Variants in DNAAF4 observed in about 807,000 individuals in gnomAD.
The protein encoded by DNAAF4 is dynein assembly factor 4, axonemal.
Under a neutral mutation model 51.8 loss-of-function variants are expected in DNAAF4, and 43 were observed. That is an observed-to-expected ratio of 0.83 (90% CI 0.65 to 1.07). The LOEUF is 1.07. Ranked by LOEUF, DNAAF4 falls within the 50% of genes least tolerant of loss-of-function variation. The pLI is 0.00. For synonymous variants in DNAAF4, 194 were observed against 165.6 expected (o/e 1.17, Z -1.32); for missense variants, 581 against 493.0 (o/e 1.18, Z -1.69).
At chr15:55,502,048 G>GA (rs200845492) in intron 1 of DNAAF4, among the ~76,000 whole-genome samples, 7,779 of 134,044 alleles carry the variant, frequency 0.058, 272 homozygotes, top group South Asian at 0.16. Flanking sequence ...TGTCTCAAAA[G>GA]AAAAAAAAAA....
intron 5 of DNAAF4, among the ~76,000 whole-genome samples, chr15:55,460,096 G>A (rs551930891): frequency 3.8e-4 from 57 of 151,724 alleles, no homozygotes; most frequent in Non-Finnish European, 7.4e-4. Flanking sequence ...AAAAGAATTA[G>A]TCCAACAGGA....
chr15:55,428,264 T>C (rs1261250758), downstream of DNAAF4, among the ~76,000 whole-genome samples: 1 of 151,974 alleles, frequency 6.6e-6, no homozygotes, highest in East Asian at 1.9e-4. Flanking sequence ...TAAACTATAA[T>C]TTTTAATCTT....
chr15:55,500,535 A>C (rs2058691187), intron 1 of DNAAF4, among the ~76,000 whole-genome samples: 1 of 152,196 alleles, frequency 6.6e-6, no homozygotes, highest in African/African-American at 2.4e-5. Flanking sequence ...TTTTATATGC[A>C]TGAAAGATAA....
chr15:55,501,376 C>CT (rs1192104530), intron 1 of DNAAF4, among the ~76,000 whole-genome samples: 9,400 of 104,472 alleles, frequency 0.09, 442 homozygotes, highest in South Asian at 0.18. Context: ...TTCTTTCTTT[C>CT]TTTTTTTTTT....
At chr15:55,484,656 T>C (rs529728547) in intron 4 of DNAAF4, among the ~76,000 whole-genome samples, 1 of 152,226 alleles carries the variant, frequency 6.6e-6, no homozygotes, top group South Asian at 2.1e-4. Flanking sequence ...GATAGATATA[T>C]ATAAAGGGGA....
chr15:55,430,657 C>G lies in DNAAF4; in HGVS notation c.*13G>C. The G allele has an allele frequency of 6.2e-7, 1 of 1,609,438 alleles. No homozygotes were observed. The highest frequency in any genetic ancestry group is 1.1e-5 in the South Asian group (1 of 90,590). On this transcript the variant is annotated 3_prime_UTR_variant, in exon 10 of 10. Coordinates refer to ENST00000321149, the MANE Select transcript of DNAAF4 (RefSeq NM_130810.4). ...AAAAACTTATAACAATACTTAGTTACTTCTAATAGTCATTAAGATTTTAGT... is the reference window on the plus strand; with the variant it reads ...AAAAACTTATAACAATACTTAGTTAGTTCTAATAGTCATTAAGATTTTAGT...
At chr15:55,426,051 G>T (rs1414346349), downstream of DNAAF4, among the ~76,000 whole-genome samples, 2 of 152,282 alleles carry the variant, frequency 1.3e-5, no homozygotes, top group South Asian at 2.1e-4. Flanking sequence ...CTTGGTGGGT[G>T]GGGGGAAGCC....
chr15:55,489,853 A>C (rs1167117153), intron 4 of DNAAF4, among the ~76,000 whole-genome samples: 2 of 151,928 alleles, frequency 1.3e-5, no homozygotes, highest in Non-Finnish European at 2.9e-5. Context: ...CAACATGTCA[A>C]AATGGGAATT....
At chr15:55,472,009 T>A (rs1195526899) in intron 4 of DNAAF4, among the ~76,000 whole-genome samples, 1 of 151,984 alleles carries the variant, frequency 6.6e-6, no homozygotes, top group African/African-American at 2.4e-5. Flanking sequence ...CCGTCTAATT[T>A]TTGTATTTTT....
Position 55,467,095 on chromosome 15 carries a change from C to G in DNAAF4, c.472G>C (p.Ala158Pro). 2 of 1,548,594 alleles carry G rather than the reference C, an allele frequency of 1.3e-6. No individual in the cohort carries two copies. The highest frequency in any genetic ancestry group is 1.7e-6 in the Non-Finnish European group (2 of 1,148,786). The change falls in exon 5 of 10, where the codon GCA (alanine) becomes CCA (proline). Residue 158 changes from alanine to proline, a missense_variant. Coordinates refer to ENST00000321149, the MANE Select transcript of DNAAF4 (RefSeq NM_130810.4). The stretch of plus-strand genomic sequence containing the variant: ...TGATATTCTTTCCAGGCTTCCAATG[C>G]TTTAGTGGCTTTTATCCGTTCATTT... ...KENERIKATK[A>P]LEAWKEYQRK...
intron 4 of DNAAF4, among the ~76,000 whole-genome samples, chr15:55,470,498 T>G (rs1253782786): frequency 1.3e-5 from 2 of 151,576 alleles, no homozygotes. Flanking sequence ...CCAAACCTCA[T>G]AGTTACAGGA....
intron 1 of DNAAF4, among the ~76,000 whole-genome samples, chr15:55,505,069 T>C (rs1210105377): frequency 1.3e-5 from 2 of 151,822 alleles, no homozygotes; most frequent in African/African-American, 4.8e-5. Context: ...TTAAACAAAT[T>C]TACAAGAAAA....
At chr15:55,421,936 A>G (rs2057391980) in intron 7 of DNAAF4, among the ~76,000 whole-genome samples, 1 of 147,062 alleles carries the variant, frequency 6.8e-6, no homozygotes. Context: ...AATAATAATA[A>G]TAATAATAAA....
At chr15:55,503,507 T>C (rs1252905181) in intron 1 of DNAAF4, among the ~76,000 whole-genome samples, 1 of 152,180 alleles carries the variant, frequency 6.6e-6, no homozygotes, top group African/African-American at 2.4e-5. Context: ...CTAAGGAACA[T>C]CGATGCAAAA....
At chr15:55,459,438 C>T (rs1182968214) in intron 5 of DNAAF4, among the ~76,000 whole-genome samples, 4 of 151,766 alleles carry the variant, frequency 2.6e-5, no homozygotes, top group Non-Finnish European at 4.4e-5. Context: ...AAAACAATAA[C>T]ACAATGAAAA....
Position 55,498,361 on chromosome 15 carries a change from GGT to G in DNAAF4, c.-34_-33del, listed in dbSNP as rs760321054. 7 of 1,589,000 alleles carry G rather than the reference GGT, an allele frequency of 4.4e-6. No homozygotes were observed. In the South Asian group the frequency reaches 6.7e-5, roughly 15 times the overall value. ...AGCAACGGGAGCGGATAGCGCGGCT[GGT>G]TGCTTCTTGCGCCTGCTTGGTTGCT... is the stretch of plus-strand genomic sequence containing the variant. On this transcript the variant is annotated 5_prime_UTR_variant, in exon 2 of 10. Coordinates refer to ENST00000321149, the MANE Select transcript of DNAAF4 (RefSeq NM_130810.4).
In DNAAF4 at chr15:55,435,181, C is replaced by G. The variant is rs891463818; in HGVS notation, c.894-123G>C. ...CTTTTTGCATTCTCTTTAGGGTAAA[C>G]GTTGCCTGCACTGAATCCATCTCTT... On this transcript the variant is annotated intron_variant, in intron 7 of 9. Transcript: ENST00000321149. 5 of 1,029,274 alleles carry G rather than the reference C, an allele frequency of 4.9e-6. No homozygotes were observed. In the African/African-American group the frequency reaches 8.1e-5, roughly 17 times the overall value. 63.8% of individuals were successfully genotyped at this position (1,029,274 alleles called of 1,614,324 possible). A position where few individuals can be genotyped will look rare whatever the true frequency, so the allele number is the denominator to read the frequency against.
At chr15:55,496,116 G>C (rs1221594577) in intron 3 of DNAAF4, among the ~76,000 whole-genome samples, 1 of 152,190 alleles carries the variant, frequency 6.6e-6, no homozygotes, top group Non-Finnish European at 1.5e-5. Flanking sequence ...TGTAGTCCCA[G>C]CTACTTGGGA....
chr15:55,468,879 G>C (rs1161051847), intron 4 of DNAAF4, among the ~76,000 whole-genome samples: 1 of 152,124 alleles, frequency 6.6e-6, no homozygotes, highest in African/African-American at 2.4e-5. Context: ...GACAGAAATA[G>C]TCCAGCTCTT....
Sources: allele counts gnomAD v4.1 joint callset (sites outside exome capture counted in the v4.1 genomes callset), GRCh38; gene constraint gnomAD v4.1.1; transcripts MANE v1.5; gene names NCBI Gene and HGNC (gene_info 2026-07-23, HGNC 2026-07-21).